The following CHLSN variants were observed in gnomAD, a reference collection of about 807,000 sequenced individuals.
The protein encoded by CHLSN is protein cholesin.
the CHLSN span, among the ~76,000 whole-genome samples, chr7:1,019,085 C>A: frequency 6.6e-6 from 1 of 151,674 alleles, no homozygotes; most frequent in Non-Finnish European, 1.5e-5. Context: ...ATCCCAGCTA[C>A]CCGAGAGGCT....
the CHLSN span, among the ~76,000 whole-genome samples, chr7:1,135,319 A>G: frequency 6.2e-5 from 9 of 144,718 alleles, no homozygotes; most frequent in East Asian, 2.1e-4. Context: ...TCAACTGTGT[A>G]TATATATAGC....
the CHLSN span, among the ~76,000 whole-genome samples, chr7:1,123,553 C>T: frequency 0.083 from 12,621 of 152,186 alleles, 696 homozygotes; most frequent in South Asian, 0.13. This position sits in a 1 kb window ranked among gnomAD's most constrained non-coding sequence, Gnocchi z 4.4. Flanking sequence ...CCCAGCCGCC[C>T]ACCCTCCTAA....
chr7:1,109,711 C>T, the CHLSN span, among the ~76,000 whole-genome samples: 2 of 151,538 alleles, frequency 1.3e-5, no homozygotes, highest in African/African-American at 4.9e-5. Flanking sequence ...TTCCCCTCCC[C>T]CGCCGGGCCC....
chr7:1,093,603 G>A, the CHLSN span: 1 of 471,140 alleles, frequency 2.1e-6, no homozygotes, highest in Non-Finnish European at 4.4e-6. Context: ...GCACTCATGT[G>A]GACTGGGACC....
the CHLSN span, among the ~76,000 whole-genome samples, chr7:1,041,287 G>GCCGCGGGGAAGGGGAC: frequency 8.3e-6 from 1 of 120,856 alleles, no homozygotes; most frequent in Admixed American, 8.8e-5. Context: ...TGGGCTCCGC[G>GCCGCGGGGAAGGGGAC]CTGCGGGGAA....
At chr7:1,053,940 C>T in the CHLSN span, among the ~76,000 whole-genome samples, 3 of 152,244 alleles carry the variant, frequency 2.0e-5, no homozygotes, top group African/African-American at 4.8e-5. Flanking sequence ...AGGGCACTCC[C>T]AGGGACCCTG....
chr7:1,011,824 C>T, the CHLSN span, among the ~76,000 whole-genome samples: 3 of 152,270 alleles, frequency 2.0e-5, no homozygotes, highest in East Asian at 1.9e-4. Flanking sequence ...GCCTGGGGGA[C>T]GAGGAGCACC....
chr7:1,070,465 A>G, the CHLSN span, among the ~76,000 whole-genome samples: 1 of 151,612 alleles, frequency 6.6e-6, no homozygotes, highest in Non-Finnish European at 1.5e-5. Context: ...GCCAGCACAC[A>G]TGCACGCACA....
chr7:1,120,656 C>T, the CHLSN span, among the ~76,000 whole-genome samples: 181 of 152,304 alleles, frequency 1.2e-3, 1 homozygote, highest in South Asian at 1.9e-3. Flanking sequence ...GTCCTCGGAA[C>T]GAAAGCATAG....
At chr7:1,069,315 A>T in the CHLSN span, among the ~76,000 whole-genome samples, 1 of 152,034 alleles carries the variant, frequency 6.6e-6, no homozygotes, top group East Asian at 1.9e-4. Context: ...TGGGCGACAG[A>T]GCGAAACTCC....
the CHLSN span, among the ~76,000 whole-genome samples, chr7:1,070,632 C>A: frequency 6.9e-6 from 1 of 144,960 alleles, no homozygotes; most frequent in Admixed American, 6.9e-5. Flanking sequence ...GCACACAACA[C>A]GCACACGGAC....
the CHLSN span, chr7:988,834 GC>G: frequency 1.3e-6 from 2 of 1,501,838 alleles, no homozygotes; most frequent in Non-Finnish European, 1.8e-6. Flanking sequence ...AGCTCCCCCA[GC>G]CCCCAGGTCC....
the CHLSN span, among the ~76,000 whole-genome samples, chr7:1,036,893 T>G: frequency 1.5e-4 from 22 of 148,076 alleles, no homozygotes; most frequent in East Asian, 3.7e-3. Context: ...GAGTATCTCT[T>G]GAGCCTAGGA....
At chr7:1,106,338 G>A in the CHLSN span, among the ~76,000 whole-genome samples, 7 of 152,176 alleles carry the variant, frequency 4.6e-5, no homozygotes, top group African/African-American at 1.2e-4. Flanking sequence ...CAGCCAGAGC[G>A]AAACCCCAGA....
chr7:1,005,284 C>A, the CHLSN span, among the ~76,000 whole-genome samples: 1 of 152,178 alleles, frequency 6.6e-6, no homozygotes, highest in Non-Finnish European at 1.5e-5. Flanking sequence ...AGTGAGACTC[C>A]ATCTCAAAAC....
the CHLSN span, among the ~76,000 whole-genome samples, chr7:1,010,488 G>A: frequency 2.6e-5 from 4 of 152,192 alleles, no homozygotes; most frequent in Admixed American, 1.3e-4. Flanking sequence ...GATCCGGGCC[G>A]GCCCCCAGGG....
chr7:1,101,636 G>A, the CHLSN span, among the ~76,000 whole-genome samples: 1 of 152,192 alleles, frequency 6.6e-6, no homozygotes, highest in South Asian at 2.1e-4. Context: ...TTCCTTGCAG[G>A]GTGGACCGTC....
chr7:1,117,392 G>A, the CHLSN span, among the ~76,000 whole-genome samples: 4 of 78,788 alleles, frequency 5.1e-5, no homozygotes, highest in East Asian at 3.1e-4. Flanking sequence ...CATCACCAAC[G>A]CCCACGCAGG....
chr7:1,079,305 C>T, the CHLSN span, among the ~76,000 whole-genome samples: 1 of 152,242 alleles, frequency 6.6e-6, no homozygotes, highest in Non-Finnish European at 1.5e-5. Flanking sequence ...CGCCCGGCTG[C>T]TCGTCTGCTG....
Sources: allele counts gnomAD v4.1 joint callset (sites outside exome capture counted in the v4.1 genomes callset), GRCh38; gene constraint gnomAD v4.1.1; non-coding constraint Gnocchi (gnomAD v3.1); transcripts MANE v1.5; gene names NCBI Gene and HGNC (gene_info 2026-07-23, HGNC 2026-07-21).